SPIDR: variants seen among roughly 807,000 people sequenced by gnomAD.
The protein encoded by SPIDR is DNA repair-scaffolding protein.
SPIDR carries 93 observed loss-of-function variants against 104.6 expected under a neutral mutation model. That is an observed-to-expected ratio of 0.89 (90% confidence interval 0.75 to 1.06). SPIDR has a LOEUF of 1.06. SPIDR is among the 50% of genes least tolerant of loss of function. SPIDR has a pLI of 0.00. For synonymous variants in SPIDR, 431 were observed against 416.9 expected (o/e 1.03, Z -0.41); for missense variants, 1,154 against 1,111.2 (o/e 1.04, Z -0.55).
At chr8:47,638,031 A>G (rs1171739043) in intron 10 of SPIDR, among the ~76,000 whole-genome samples, 1 of 151,660 alleles carries the variant, frequency 6.6e-6, no homozygotes, top group Non-Finnish European at 1.5e-5. Context: ...TATTTTATTT[A>G]TTTTGTTGTT....
intron 16 of SPIDR, among the ~76,000 whole-genome samples, chr8:47,717,536 A>G (rs1327774625): frequency 6.6e-6 from 1 of 152,316 alleles, no homozygotes; most frequent in South Asian, 2.1e-4. Flanking sequence ...AGGTGCACAC[A>G]GAGGCAGATC....
intron 10 of SPIDR, among the ~76,000 whole-genome samples, chr8:47,628,113 GAGA>G (rs1187345939): frequency 2.0e-5 from 3 of 152,144 alleles, no homozygotes; most frequent in African/African-American, 7.2e-5. Flanking sequence ...AAAAACAAAC[GAGA>G]GACTCAAAAA....
intron 1 of SPIDR, among the ~76,000 whole-genome samples, chr8:47,261,878 C>T (rs771545234): frequency 6.6e-6 from 1 of 152,262 alleles, no homozygotes; most frequent in Admixed American, 6.5e-5. Context: ...AGTCTGATTT[C>T]TGAAGCATTA....
chr8:47,505,758 A>G (rs2081384467), intron 8 of SPIDR, among the ~76,000 whole-genome samples: 2 of 152,182 alleles, frequency 1.3e-5, no homozygotes, highest in South Asian at 2.1e-4. Context: ...CAGCATTTCA[A>G]CTGCACTGAT....
intron 7 of SPIDR, among the ~76,000 whole-genome samples, chr8:47,426,708 T>G (rs2066472175): frequency 1.3e-5 from 2 of 152,204 alleles, no homozygotes; most frequent in African/African-American, 4.8e-5. Context: ...AAGCCTAATA[T>G]CCGCCTCACC....
rs1265653317 is a variant in SPIDR, at chr8:47,575,938, C to T, written c.1098-19873C>T. On this transcript the variant is annotated intron_variant, in intron 8 of 19. Transcript: ENST00000297423. ...TCGCGCCACTGCTTTCCAGCCTGGG[C>T]GACAGAGCGAGATTCCTTTTAAAAA... 4.1e-5 allele frequency among the ~76,000 whole-genome samples: 6 copies of T among 145,162 alleles called. No individual in the cohort carries two copies. The East Asian group carries it at 1.2e-3, about 29-fold the overall frequency.
chr8:47,310,238 G>A (rs1482793983), intron 5 of SPIDR, among the ~76,000 whole-genome samples: 1 of 151,318 alleles, frequency 6.6e-6, no homozygotes, highest in Non-Finnish European at 1.5e-5. Flanking sequence ...GGAGGCTGAG[G>A]CAGAAGAATG....
At chr8:47,588,814 CA>C (rs2060616843) in intron 8 of SPIDR, among the ~76,000 whole-genome samples, 3 of 152,132 alleles carry the variant, frequency 2.0e-5, no homozygotes, top group Non-Finnish European at 4.4e-5. Flanking sequence ...GGTTTTTTCA[CA>C]TTGCTAATGT....
At chr8:47,617,764 C>T (rs1323912217) in intron 10 of SPIDR, among the ~76,000 whole-genome samples, 1 of 152,176 alleles carries the variant, frequency 6.6e-6, no homozygotes, top group East Asian at 1.9e-4. Flanking sequence ...TAAAAGCCAC[C>T]TCCATAATAA....
intron 11 of SPIDR, among the ~76,000 whole-genome samples, chr8:47,694,838 A>T (rs1363207231): frequency 6.6e-6 from 1 of 152,178 alleles, no homozygotes; most frequent in East Asian, 1.9e-4. Flanking sequence ...ATATGAGTTA[A>T]TCAGTATTCA....
chr8:47,578,852 T>G (rs555452414), intron 8 of SPIDR, among the ~76,000 whole-genome samples: 1 of 152,202 alleles, frequency 6.6e-6, no homozygotes, highest in East Asian at 1.9e-4. Flanking sequence ...TGCCAGTCTT[T>G]TATAGTCAAT....
chr8:47,599,888 G>T (rs1226251939), intron 10 of SPIDR, among the ~76,000 whole-genome samples: 1 of 152,152 alleles, frequency 6.6e-6, no homozygotes, highest in Non-Finnish European at 1.5e-5. Context: ...TGCCCAAGTA[G>T]CTGGGATTAC....
chr8:47,341,429 A>G (rs1014549365), intron 5 of SPIDR, among the ~76,000 whole-genome samples: 3 of 152,154 alleles, frequency 2.0e-5, no homozygotes, highest in Non-Finnish European at 4.4e-5. Flanking sequence ...TTAGAGATAA[A>G]TAAACATGCA....
At chr8:47,297,470 A>G (rs1384064197) in intron 5 of SPIDR, among the ~76,000 whole-genome samples, 2 of 151,248 alleles carry the variant, frequency 1.3e-5, no homozygotes, top group South Asian at 2.1e-4. Context: ...TTTTTTTATT[A>G]TTATACTTTA....
At chr8:47,454,577 G>A (rs60457770) in intron 8 of SPIDR, among the ~76,000 whole-genome samples, 3,980 of 151,968 alleles carry the variant, frequency 0.026, 133 homozygotes, top group African/African-American at 0.084. Flanking sequence ...TGGCACATGT[G>A]TACATATGTA....
At chr8:47,611,797 G>A (rs1162641301) in intron 10 of SPIDR, among the ~76,000 whole-genome samples, 2 of 152,116 alleles carry the variant, frequency 1.3e-5, no homozygotes, top group Non-Finnish European at 2.9e-5. Context: ...CAAAAATTAA[G>A]CAACCACAGG....
chr8:47,546,259 T>G (rs1015528863), intron 8 of SPIDR, among the ~76,000 whole-genome samples: 1 of 152,150 alleles, frequency 6.6e-6, no homozygotes, highest in African/African-American at 2.4e-5. Context: ...TGGGAAATTT[T>G]GAAATCACAA....
At chr8:47,599,304 A>G (rs1033551936) in intron 10 of SPIDR, 108 bp downstream of exon 10, 25 of 1,413,990 alleles carry the variant, frequency 1.8e-5, no homozygotes, top group Non-Finnish European at 2.4e-5. Flanking sequence ...CATTCACCAT[A>G]TACGTGAGCT....
chr8:47,525,817 C>T (rs1324534115), intron 8 of SPIDR, among the ~76,000 whole-genome samples: 1 of 151,646 alleles, frequency 6.6e-6, no homozygotes, highest in Non-Finnish European at 1.5e-5. Flanking sequence ...GGTAGCACTG[C>T]TGGCTAGTTG....
Sources: allele counts gnomAD v4.1 joint callset (sites outside exome capture counted in the v4.1 genomes callset), GRCh38; gene constraint gnomAD v4.1.1; transcripts MANE v1.5; gene names NCBI Gene and HGNC (gene_info 2026-07-23, HGNC 2026-07-21).